The following NFE2L3 variants were observed in gnomAD, a reference collection of about 807,000 sequenced individuals.
NFE2L3 encodes nuclear factor erythroid 2-related factor 3.
A neutral mutation model predicts 23.5 loss-of-function variants in NFE2L3; 18 were observed. The ratio of observed to expected loss-of-function variants is 0.77; its 90% CI spans 0.53 to 1.13. The LOEUF (loss-of-function observed/expected upper bound fraction) is 1.13. NFE2L3 is among the 50% of genes most tolerant of loss of function. NFE2L3 has a pLI of 0.00. For missense variants in NFE2L3, 1,152 were observed against 877.2 expected (o/e 1.31, Z -3.96); for synonymous variants, 424 against 354.5 (o/e 1.20, Z -2.20).
Position 26,184,713 on chromosome 7 carries a change from C to T in NFE2L3, c.1015C>T (p.Gln339Ter), listed in dbSNP as rs1562680151. Residue 339 changes from glutamine (Q) to a stop codon, truncating the protein, a stop_gained, in exon 4 of 4, where the codon CAA (glutamine) becomes TAA (stop). Transcript: ENST00000056233. LOFTEE classifies it low-confidence loss of function (END_TRUNC). ...RDPTARTSQS[Q>*]EPFLQLNSHT... ...TCCAACAGCAAGGACTTCACAGTCA[C>T]AAGAACCATTTCTGCAGTTAAATTC... The T allele has an allele frequency of 3.1e-6, 5 of 1,613,780 alleles. No homozygotes were observed. The highest frequency in any genetic ancestry group is 1.3e-5 in the African/African-American group (1 of 74,930).
rs1782436273 is a variant in NFE2L3 at position 26,184,768 on chromosome 7, C to G, written c.1070C>G (p.Pro357Arg). 6.2e-6 allele frequency: 10 copies of G among 1,613,928 alleles called. No homozygotes were observed. In the East Asian group the frequency reaches 1.8e-4, roughly 29 times the overall value. The change falls in exon 4 of 4, where the codon CCT (proline) becomes CGT (arginine). Residue 357 changes from proline (P) to arginine (R), a missense_variant. Physicochemically the swap from Pro to Arg is moderately radical, Grantham distance 103 (BLOSUM62 -2). Transcript: ENST00000056233. ...SHTTNPEQTLPGTNLTGFLSP... is the reference protein window; with the variant it reads ...SHTTNPEQTLRGTNLTGFLSP... Reference sequence around the variant, plus strand: ...ACCACCAATCCTGAGCAAACCCTTCCTGGAACTAATTTGACAGGATTTCTT... The same window carrying G: ...ACCACCAATCCTGAGCAAACCCTTCGTGGAACTAATTTGACAGGATTTCTT...
intron 1 of NFE2L3, among the ~76,000 whole-genome samples, chr7:26,167,348 C>T (rs1425734837): frequency 6.6e-6 from 1 of 152,156 alleles, no homozygotes; most frequent in Non-Finnish European, 1.5e-5. Context: ...AGGGCCCAAA[C>T]TGAGAACATT....
At chr7:26,172,041 CATT>C (rs1426132272) in intron 1 of NFE2L3, among the ~76,000 whole-genome samples, 3 of 152,142 alleles carry the variant, frequency 2.0e-5, no homozygotes, top group Admixed American at 6.5e-5. Context: ...CAGGTATCAC[CATT>C]ATTATTTAGC....
chr7:26,169,566 G>A (rs914547687), intron 1 of NFE2L3, among the ~76,000 whole-genome samples: 6 of 152,194 alleles, frequency 3.9e-5, no homozygotes, highest in Non-Finnish European at 5.9e-5. Context: ...CTTTGAAGGG[G>A]ACCTGGGCTG....
chr7:26,152,475 G>A lies in NFE2L3; in HGVS notation c.-24G>A. 2 of 1,278,708 alleles carry A rather than the reference G, an allele frequency of 1.6e-6. No individual in the cohort carries two copies. Among genetic ancestry groups the A allele is most frequent in the South Asian group, 3.0e-5 (1 of 33,892 alleles). The allele number at this position is 1,278,708 out of a possible 1,614,324, so 79.2% of individuals were successfully genotyped here. On this transcript the variant is annotated 5_prime_UTR_variant, in exon 1 of 4. Coordinates refer to ENST00000056233, the MANE Select transcript of NFE2L3 (RefSeq NM_004289.7). The surrounding 1 kb of genome is among the most constrained non-coding windows in gnomAD (Gnocchi z 4.4). ...GCCGGGACCCGCGGGCGCCGGCAGG[G>A]GCGTTCCCGGGCGCGCGGCGGCGAT...
chr7:26,180,866 C>T (rs560442329), intron 2 of NFE2L3, among the ~76,000 whole-genome samples: 2 of 152,302 alleles, frequency 1.3e-5, no homozygotes, highest in East Asian at 3.9e-4. Flanking sequence ...CATTCAAAGC[C>T]AGGCATTTGT....
At chr7:26,155,046 C>T (rs1784060835) in intron 1 of NFE2L3, among the ~76,000 whole-genome samples, 1 of 152,244 alleles carries the variant, frequency 6.6e-6, no homozygotes, top group Non-Finnish European at 1.5e-5. Context: ...CAAAAATCAG[C>T]TGTCCAGCTC....
intron 2 of NFE2L3, among the ~76,000 whole-genome samples, chr7:26,180,207 C>G (rs1238027115): frequency 6.6e-6 from 1 of 152,200 alleles, no homozygotes; most frequent in East Asian, 1.9e-4. Context: ...ACACTGAGTT[C>G]TAAGTGGTCT....
chr7:26,178,208 T>C, intron 2 of NFE2L3, 86 bp downstream of exon 2: 1 of 1,145,306 alleles, frequency 8.7e-7, no homozygotes. Flanking sequence ...AGAATGAGCA[T>C]GTAAAACAGT....
intron 1 of NFE2L3, 42 bp downstream of exon 1, chr7:26,153,110 C>A: frequency 6.7e-7 from 1 of 1,487,886 alleles, no homozygotes; most frequent in South Asian, 1.3e-5. Flanking sequence ...GGCGTCTACG[C>A]CGCCGGGAGC....
chr7:26,182,809 AT>A (rs561455010), intron 2 of NFE2L3, among the ~76,000 whole-genome samples: 1 of 152,126 alleles, frequency 6.6e-6, no homozygotes, highest in African/African-American at 2.4e-5. Context: ...CTGTAAAAAT[AT>A]TTTTTGAGAC....
At chr7:26,179,499 C>CA (rs201128349) in intron 2 of NFE2L3, among the ~76,000 whole-genome samples, 1,021 of 96,562 alleles carry the variant, frequency 0.011, 4 homozygotes, top group Non-Finnish European at 0.012. Context: ...GACCCTGTCT[C>CA]AAAAAAAAAA....
chr7:26,183,930 A>AT (rs1382757436), intron 3 of NFE2L3, 146 bp downstream of exon 3: 1 of 615,100 alleles, frequency 1.6e-6, no homozygotes, highest in Non-Finnish European at 2.9e-6. Flanking sequence ...AATTAACCAA[A>AT]TATGTATAGC....
chr7:26,154,701 C>T (rs763429407), intron 1 of NFE2L3, among the ~76,000 whole-genome samples: 5 of 152,186 alleles, frequency 3.3e-5, no homozygotes, highest in African/African-American at 7.2e-5. Context: ...CTGGCGTGCA[C>T]CACCATACTG....
chr7:26,153,255 T>G (rs1221320715), intron 1 of NFE2L3, among the ~76,000 whole-genome samples, 187 bp downstream of exon 1: 1 of 152,170 alleles, frequency 6.6e-6, no homozygotes, highest in Non-Finnish European at 1.5e-5. Context: ...GTCGCTGTGG[T>G]TTTTAGGTGT....
chr7:26,179,851 A>G (rs1366271209), intron 2 of NFE2L3, among the ~76,000 whole-genome samples: 3 of 152,172 alleles, frequency 2.0e-5, no homozygotes, highest in African/African-American at 7.2e-5. Flanking sequence ...ACCACGCGAT[A>G]CATTTAAATA....
intron 1 of NFE2L3, among the ~76,000 whole-genome samples, chr7:26,175,394 A>G (rs1784386037): frequency 1.3e-5 from 2 of 152,020 alleles, no homozygotes; most frequent in African/African-American, 4.8e-5. Flanking sequence ...TTGTTGTAAA[A>G]TATTCACAGT....
chr7:26,184,024 AAAG>A (rs1283139042), intron 3 of NFE2L3: 7 of 510,354 alleles, frequency 1.4e-5, no homozygotes, highest in East Asian at 3.3e-5. Context: ...CAAAAAACTA[AAAG>A]AATTATCAGG....
At chr7:26,155,965 C>T (rs576709762) in intron 1 of NFE2L3, among the ~76,000 whole-genome samples, 1 of 152,268 alleles carries the variant, frequency 6.6e-6, no homozygotes, top group African/African-American at 2.4e-5. Flanking sequence ...TTCTGCCCTC[C>T]GTCCTTAACC....
Sources: gnomAD v4.1 joint callset for allele counts (sites outside exome capture counted in the v4.1 genomes callset) on GRCh38, gnomAD v4.1.1 for gene constraint, Gnocchi (gnomAD v3.1) non-coding constraint, MANE v1.5 for transcripts, NCBI Gene and HGNC (gene_info 2026-07-23, HGNC 2026-07-21) for gene names.